The following HOMER1 variants were observed in gnomAD, a reference collection of about 807,000 sequenced individuals.
HOMER1 encodes homer protein homolog 1.
In HOMER1, 3 loss-of-function variants were observed where a neutral mutation model predicts 48.9. That is an observed-to-expected ratio of 0.06 (90% CI 0.03 to 0.16). The LOEUF (loss-of-function observed/expected upper bound fraction) is 0.16. Ranked by LOEUF, HOMER1 falls within the 10% of genes least tolerant of loss-of-function variation. HOMER1 has a pLI of 1.00. For synonymous variants in HOMER1, 134 were observed against 146.4 expected, an observed-to-expected ratio of 0.92 and a Z score of 0.61; for missense variants, 247 against 411.4, an observed-to-expected ratio of 0.60 and a Z score of 3.46.
At chr5:79,495,459 GC>G (rs1455052013) in intron 1 of HOMER1, among the ~76,000 whole-genome samples, 1 of 152,166 alleles carries the variant, frequency 6.6e-6, no homozygotes, top group Admixed American at 6.5e-5. Context: ...CCTTCTCTGT[GC>G]TACCAAACAC....
intron 8 of HOMER1, among the ~76,000 whole-genome samples, chr5:79,392,661 G>A (rs1054877329): frequency 6.6e-6 from 1 of 152,108 alleles, no homozygotes; most frequent in Non-Finnish European, 1.5e-5. Flanking sequence ...TGTAGTCTAA[G>A]TGCAGTGTTG....
chr5:79,483,617 GA>G lies in HOMER1; in HGVS notation c.6-26600del, dbSNP rs1752006743. ...AGAAAATGTTAAAGAAAAGTTTTAG[GA>G]AGAAGAAAATGATTCCATATAGATA... is the stretch of plus-strand genomic sequence containing the variant. On this transcript the variant is annotated intron_variant, in intron 1 of 8. Transcript: ENST00000334082. 2.0e-5 allele frequency among the ~76,000 whole-genome samples: 3 copies of G among 152,114 alleles called. No individual in the cohort carries two copies. In the South Asian group the frequency reaches 6.2e-4, roughly 32 times the overall value.
chr5:79,492,904 TG>T (rs1752322389), intron 1 of HOMER1, among the ~76,000 whole-genome samples: 1 of 135,078 alleles, frequency 7.4e-6, no homozygotes, highest in South Asian at 2.4e-4. Flanking sequence ...ACGAAAACTT[TG>T]TCTTTTTTTT....
intron 5 of HOMER1, among the ~76,000 whole-genome samples, chr5:79,407,099 A>G (rs1220901670): frequency 6.6e-6 from 1 of 152,230 alleles, no homozygotes; most frequent in Non-Finnish European, 1.5e-5. Context: ...AGCACAAGGT[A>G]ATGCTAGAGA....
rs1433254550 is a variant in HOMER1 at position 79,396,855 on chromosome 5, C to T, written c.844G>A (p.Glu282Lys). The change falls in exon 8 of 9, where the codon GAA becomes AAA. Residue 282 changes from glutamate (E) to lysine (K), a missense_variant. Glu to Lys is a moderately conservative substitution (Grantham distance 56). Transcript: ENST00000334082. Reference sequence around the variant, plus strand: ...TTCTGAGTCAAAGAATCCCTCTGTTCTTGTAGTTCTCTGGCATTATCAATT... The same window carrying T: ...TTCTGAGTCAAAGAATCCCTCTGTTTTTGTAGTTCTCTGGCATTATCAATT... ...QEIDNARELQ[E>K]QRDSLTQKLQ... 6.2e-7 allele frequency: 1 copy of T among 1,604,738 alleles called. No homozygotes were observed. The highest frequency in any genetic ancestry group is 1.7e-5 in the Admixed American group (1 of 59,754).
chr5:79,492,405 A>G (rs115694024), intron 1 of HOMER1, among the ~76,000 whole-genome samples: 2,614 of 152,266 alleles, frequency 0.017, 78 homozygotes, highest in African/African-American at 0.057. Flanking sequence ...TTTCCAAAAT[A>G]ATAATATACT....
intron 8 of HOMER1, among the ~76,000 whole-genome samples, chr5:79,389,487 C>T (rs1389656822): frequency 1.3e-5 from 2 of 152,164 alleles, no homozygotes; most frequent in African/African-American, 4.8e-5. Context: ...GAAGTGGAGC[C>T]TTTAAGAGAC....
At chr5:79,403,921 T>C (rs1267555675) in intron 5 of HOMER1, among the ~76,000 whole-genome samples, 1 of 152,198 alleles carries the variant, frequency 6.6e-6, no homozygotes, top group East Asian at 1.9e-4. Flanking sequence ...AGCTATTAAC[T>C]TAACAATCCA....
At chr5:79,497,420 C>T (rs1158388043) in intron 1 of HOMER1, among the ~76,000 whole-genome samples, 2 of 151,758 alleles carry the variant, frequency 1.3e-5, no homozygotes, top group Non-Finnish European at 2.9e-5. Context: ...GAGGCTGAGG[C>T]GGGTGGATCA....
chr5:79,379,118 TATATAAA>T (rs1748869623), intron 8 of HOMER1, among the ~76,000 whole-genome samples: 4 of 81,782 alleles, frequency 4.9e-5, no homozygotes, highest in African/African-American at 2.0e-4. Context: ...ATATATAAAA[TATATAAA>T]TATTTATTTA....
At chr5:79,442,864 C>T (rs1332967590) in intron 4 of HOMER1, among the ~76,000 whole-genome samples, 1 of 152,158 alleles carries the variant, frequency 6.6e-6, no homozygotes, top group Non-Finnish European at 1.5e-5. Context: ...CAAACAAGAT[C>T]CTCATATCCT....
Position 79,435,437 on chromosome 5 carries a change from C to T in HOMER1, c.527+3573G>A, listed in dbSNP as rs1446564967. Among the ~76,000 whole-genome samples, 5 of 152,230 alleles carry T rather than the reference C, an allele frequency of 3.3e-5. No homozygotes were observed. The East Asian group carries it at 9.6e-4, about 29-fold the overall frequency. On this transcript the variant is annotated intron_variant, in intron 5 of 8. Coordinates refer to ENST00000334082, the MANE Select transcript of HOMER1 (RefSeq NM_004272.5). ...GCACATAGACATTCTAGTGATTTTG[C>T]TCCTTATTTAGCAGTAAAATGGAAT...
At chr5:79,395,665 G>GTTA (rs1430233137) in intron 8 of HOMER1, among the ~76,000 whole-genome samples, 16 of 152,142 alleles carry the variant, frequency 1.1e-4, no homozygotes, top group African/African-American at 3.6e-4. Context: ...ATTATGAAGG[G>GTTA]GTTTAAAGCC....
At chr5:79,429,749 C>T (rs1282162540) in intron 5 of HOMER1, among the ~76,000 whole-genome samples, 1 of 152,046 alleles carries the variant, frequency 6.6e-6, no homozygotes, top group Non-Finnish European at 1.5e-5. Context: ...ATTGGCTGGG[C>T]GTGGTGGCTC....
At chr5:79,489,732 T>C (rs1316277470) in intron 1 of HOMER1, among the ~76,000 whole-genome samples, 1 of 152,158 alleles carries the variant, frequency 6.6e-6, no homozygotes, top group Admixed American at 6.6e-5. Flanking sequence ...TATATGATTA[T>C]AGTAATTTTC....
At chr5:79,457,941 C>T (rs933310356) in intron 1 of HOMER1, among the ~76,000 whole-genome samples, 25 of 152,178 alleles carry the variant, frequency 1.6e-4, no homozygotes, top group African/African-American at 6.0e-4. Context: ...CATTTAAACA[C>T]ATTTTACCCA....
At chr5:79,469,961 G>A (rs1751574309) in intron 1 of HOMER1, among the ~76,000 whole-genome samples, 1 of 152,180 alleles carries the variant, frequency 6.6e-6, no homozygotes, top group Non-Finnish European at 1.5e-5. Context: ...ATACAACCCA[G>A]TCACCATGGC....
At chr5:79,496,953 C>G (rs1752437958) in intron 1 of HOMER1, among the ~76,000 whole-genome samples, 1 of 149,600 alleles carries the variant, frequency 6.7e-6, no homozygotes, top group Non-Finnish European at 1.5e-5. Flanking sequence ...GTAGTCCCAG[C>G]TACTTGGGAG....
intron 1 of HOMER1, among the ~76,000 whole-genome samples, chr5:79,458,497 C>T (rs991044707): frequency 8.6e-5 from 13 of 151,450 alleles, no homozygotes; most frequent in Admixed American, 2.0e-4. Context: ...ATTAGAAAAA[C>T]GGCAAGGCAA....
Sources: allele counts gnomAD v4.1 joint callset (sites outside exome capture counted in the v4.1 genomes callset), GRCh38; gene constraint gnomAD v4.1.1; transcripts MANE v1.5; gene names NCBI Gene and HGNC (gene_info 2026-07-23, HGNC 2026-07-21).